Variants in PRKN observed in about 807,000 individuals in gnomAD.
PRKN encodes parkin RBR E3 ubiquitin protein ligase, also known as E3 ubiquitin-protein ligase parkin.
PRKN carries 56 observed loss-of-function variants against 59.5 expected under a neutral mutation model. The observed-to-expected ratio is 0.94, with a 90% CI of 0.76 to 1.18. The LOEUF (loss-of-function observed/expected upper bound fraction) is 1.18. Among genes scored for constraint, PRKN ranks in the 50% most tolerant of loss-of-function variants. The pLI is 0.00. For missense variants in PRKN, 657 were observed against 596.4 expected, an observed-to-expected ratio of 1.10 and a Z score of -1.06; for synonymous variants, 250 against 222.1, an observed-to-expected ratio of 1.13 and a Z score of -1.12.
At chr6:161,594,050 C>T (rs949327607) in intron 7 of PRKN, among the ~76,000 whole-genome samples, 1 of 151,830 alleles carries the variant, frequency 6.6e-6, no homozygotes, top group Non-Finnish European at 1.5e-5. Flanking sequence ...GTAATCCCAG[C>T]TACTTGAGGG....
At chr6:162,207,361 G>A (rs1336274339) in intron 3 of PRKN, among the ~76,000 whole-genome samples, 1 of 152,086 alleles carries the variant, frequency 6.6e-6, no homozygotes, top group East Asian at 1.9e-4. Flanking sequence ...GACAGAGCGA[G>A]ACTCTGTCCC....
intron 1 of PRKN, among the ~76,000 whole-genome samples, chr6:162,604,422 C>A (rs887174193): frequency 9.2e-5 from 14 of 152,128 alleles, no homozygotes; most frequent in Admixed American, 6.5e-4. Flanking sequence ...GCTAAGACAG[C>A]ATGAAGCACA....
intron 1 of PRKN, among the ~76,000 whole-genome samples, chr6:162,487,958 C>T (rs962925562): frequency 1.3e-5 from 2 of 150,422 alleles, no homozygotes; most frequent in South Asian, 4.2e-4. Context: ...GGTATTTTAA[C>T]ACCAAAAAGA....
Position 161,893,004 on chromosome 6 carries a change from G to A in PRKN, c.734+80298C>T, listed in dbSNP as rs189136140. Reference sequence around the variant, plus strand: ...ATAACAGGCACCTGCCACCACGCCCGGCTAATTTTTGTATTTTTAGTAGAG... The same window carrying A: ...ATAACAGGCACCTGCCACCACGCCCAGCTAATTTTTGTATTTTTAGTAGAG... On this transcript the variant is annotated intron_variant, in intron 6 of 11. Transcript: ENST00000366898. 5.5e-3 allele frequency among the ~76,000 whole-genome samples: 835 copies of A among 152,128 alleles called. 6 individuals are homozygous for A. Among genetic ancestry groups the A allele is most frequent in the African/African-American group, 0.02 (810 of 41,512 alleles).
chr6:162,323,092 G>A (rs1478284612), intron 2 of PRKN, among the ~76,000 whole-genome samples: 3 of 116,248 alleles, frequency 2.6e-5, no homozygotes, highest in South Asian at 3.4e-4. Flanking sequence ...GAGGGGGGAG[G>A]GATAGCACTG....
intron 1 of PRKN, among the ~76,000 whole-genome samples, chr6:162,605,036 G>T (rs1781855113): frequency 6.6e-6 from 1 of 151,994 alleles, no homozygotes; most frequent in Non-Finnish European, 1.5e-5. Flanking sequence ...AAAATTACTT[G>T]CATGTATTTC....
intron 5 of PRKN, among the ~76,000 whole-genome samples, chr6:162,010,326 A>T (rs1398187087): frequency 8.3e-6 from 1 of 120,580 alleles, no homozygotes; most frequent in African/African-American, 3.2e-5. Context: ...ATATATTTAT[A>T]ATATATAATA....
intron 4 of PRKN, among the ~76,000 whole-genome samples, chr6:162,161,746 T>C (rs1782768887): frequency 6.6e-6 from 1 of 152,156 alleles, no homozygotes; most frequent in Non-Finnish European, 1.5e-5. Context: ...TTCACCTTGC[T>C]CAATCCAATC....
At chr6:162,261,141 G>A (rs1779870078) in intron 3 of PRKN, among the ~76,000 whole-genome samples, 1 of 152,130 alleles carries the variant, frequency 6.6e-6, no homozygotes. Flanking sequence ...AGATTATTCA[G>A]TTGGTGCCTT....
At chr6:162,167,615 T>G (rs1340238707) in intron 4 of PRKN, among the ~76,000 whole-genome samples, 1 of 151,964 alleles carries the variant, frequency 6.6e-6, no homozygotes, top group Non-Finnish European at 1.5e-5. Context: ...ACAGGGATTT[T>G]TTTTTTTTTT....
At chr6:162,405,037 T>G (rs947092780) in intron 2 of PRKN, among the ~76,000 whole-genome samples, 4 of 152,050 alleles carry the variant, frequency 2.6e-5, no homozygotes, top group Non-Finnish European at 5.9e-5. Flanking sequence ...TGAGCAAAAA[T>G]GTCATAAAAA....
intron 7 of PRKN, among the ~76,000 whole-genome samples, chr6:161,743,039 T>C (rs778761923): frequency 2.0e-5 from 3 of 152,128 alleles, no homozygotes; most frequent in Non-Finnish European, 4.4e-5. Flanking sequence ...CAGTCCCTCA[T>C]TGCCTTCATA....
rs1257988780 is a variant in PRKN at position 162,010,805 on chromosome 6, A to G, written c.619-37388T>C. Among the ~76,000 whole-genome samples the G allele has an allele frequency of 1.8e-4, 2 of 11,264 alleles. 1 individual carries two copies. The highest frequency in any genetic ancestry group is 2.5e-4 in the Non-Finnish European group (2 of 8,114). 7.4% of individuals were successfully genotyped at this position (11,264 alleles called of 152,430 possible). ...TTATATAATATATTATATAATATAT[A>G]TTATATAATGTATAATATATACAAT... On this transcript the variant is annotated intron_variant, in intron 5 of 11. Transcript: ENST00000366898.
chr6:162,063,426 G>C (rs761007293), intron 4 of PRKN, among the ~76,000 whole-genome samples: 13 of 152,158 alleles, frequency 8.5e-5, no homozygotes, highest in Non-Finnish European at 1.3e-4. Context: ...AATTTCACTT[G>C]ATTTCACATT....
chr6:162,525,536 T>A (rs1778245531), intron 1 of PRKN, among the ~76,000 whole-genome samples: 1 of 152,146 alleles, frequency 6.6e-6, no homozygotes, highest in Non-Finnish European at 1.5e-5. Flanking sequence ...TCTCCTCGAC[T>A]CCCTCCCACA....
At chr6:161,975,775 AT>A (rs1562432101) in intron 5 of PRKN, among the ~76,000 whole-genome samples, 2 of 152,166 alleles carry the variant, frequency 1.3e-5, no homozygotes, top group African/African-American at 4.8e-5. Flanking sequence ...AGCTCCACCA[AT>A]GTCAGAGGCA....
At chr6:161,485,891 T>C (rs115607787) in intron 9 of PRKN, among the ~76,000 whole-genome samples, 1,925 of 152,170 alleles carry the variant, frequency 0.013, 41 homozygotes, top group African/African-American at 0.044. Flanking sequence ...GAAACACTGA[T>C]GAATCTAATG....
At chr6:161,517,608 C>T (rs558060640) in intron 9 of PRKN, among the ~76,000 whole-genome samples, 46 of 151,826 alleles carry the variant, frequency 3.0e-4, no homozygotes, top group Non-Finnish European at 2.2e-4. Context: ...GGCATGGTGG[C>T]GGTCGCCTGT....
intron 1 of PRKN, among the ~76,000 whole-genome samples, chr6:162,647,873 T>A (rs1376854362): frequency 6.7e-6 from 1 of 148,994 alleles, no homozygotes; most frequent in African/African-American, 2.5e-5. Flanking sequence ...GAAGAAGTAC[T>A]TTCTTTCTAG....
Sources: allele counts gnomAD v4.1 joint callset (sites outside exome capture counted in the v4.1 genomes callset), GRCh38; gene constraint gnomAD v4.1.1; transcripts MANE v1.5; gene names NCBI Gene and HGNC (gene_info 2026-07-23, HGNC 2026-07-21).